SPATA31F1: variants seen among roughly 807,000 people sequenced by gnomAD.
The protein encoded by SPATA31F1 is protein SPATA31F1.
chr9:34,723,147 T>C, the SPATA31F1 span: 9 of 1,451,750 alleles, frequency 6.2e-6, no homozygotes, highest in African/African-American at 2.9e-5. Flanking sequence ...GCTGCAGCAG[T>C]TGGGGAGCCT....
the SPATA31F1 span, chr9:34,723,717 G>A: frequency 6.4e-7 from 1 of 1,551,592 alleles, no homozygotes. Context: ...GCCTGAGTTG[G>A]TTGGCTCAGG....
At chr9:34,723,877 G>A in the SPATA31F1 span, 2 of 1,551,670 alleles carry the variant, frequency 1.3e-6, no homozygotes, top group South Asian at 1.2e-5. Flanking sequence ...GTAGCTGTGG[G>A]AGCTTAAGCT....
the SPATA31F1 span, chr9:34,726,947 A>G: frequency 9.0e-5 from 139 of 1,551,246 alleles, no homozygotes; most frequent in South Asian, 1.6e-3. Context: ...ATCTGCACAC[A>G]GGATTCGCCG....
At chr9:34,723,286 G>A in the SPATA31F1 span, 7 of 1,551,772 alleles carry the variant, frequency 4.5e-6, no homozygotes, top group East Asian at 2.4e-5. Context: ...AGTGACGAGG[G>A]CAGTGGCGGG....
At chr9:34,726,454 G>T in the SPATA31F1 span, 1 of 1,551,300 alleles carries the variant, frequency 6.4e-7, no homozygotes, top group Non-Finnish European at 8.7e-7. Flanking sequence ...CTGGGTTCAG[G>T]GACAGCAAGG....
the SPATA31F1 span, chr9:34,729,273 C>T: frequency 9.0e-6 from 14 of 1,551,126 alleles, no homozygotes; most frequent in Non-Finnish European, 1.2e-5. Context: ...CAGTTGGGAT[C>T]ACAGCCCTAC....
At chr9:34,727,707 A>G in the SPATA31F1 span, among the ~76,000 whole-genome samples, 8 of 152,336 alleles carry the variant, frequency 5.3e-5, no homozygotes, top group Middle Eastern at 0.02. Flanking sequence ...TTCAAAACCC[A>G]TTCTCTTAAC....
the SPATA31F1 span, chr9:34,729,297 C>G: frequency 6.4e-7 from 1 of 1,552,126 alleles, no homozygotes; most frequent in East Asian, 2.4e-5. Flanking sequence ...GCAGCAGCTC[C>G]TTTTAGGTTC....
At chr9:34,723,294 G>C in the SPATA31F1 span, 1 of 1,551,580 alleles carries the variant, frequency 6.4e-7, no homozygotes, top group Non-Finnish European at 8.7e-7. Context: ...GGGCAGTGGC[G>C]GGGGTAGCCC....
the SPATA31F1 span, chr9:34,727,972 C>G: frequency 6.6e-7 from 1 of 1,522,492 alleles, no homozygotes; most frequent in Non-Finnish European, 8.9e-7. Context: ...GCCAAGAAAT[C>G]ATCATAGGCC....
the SPATA31F1 span, chr9:34,729,352 C>T: frequency 1.9e-6 from 3 of 1,551,830 alleles, no homozygotes; most frequent in South Asian, 1.2e-5. Flanking sequence ...CAGATAATTA[C>T]AATAACGATG....
the SPATA31F1 span, chr9:34,724,861 A>G: frequency 1.3e-6 from 2 of 1,548,942 alleles, no homozygotes; most frequent in Non-Finnish European, 1.7e-6. Context: ...GGAGCGCCAC[A>G]TAATACAGAG....
the SPATA31F1 span, chr9:34,728,599 G>A: frequency 6.5e-7 from 1 of 1,550,004 alleles, no homozygotes; most frequent in South Asian, 1.2e-5. Context: ...AGGAGAGATT[G>A]GGACTTTACC....
the SPATA31F1 span, among the ~76,000 whole-genome samples, chr9:34,728,297 A>C: frequency 6.6e-6 from 1 of 152,216 alleles, no homozygotes; most frequent in East Asian, 1.9e-4. Context: ...TTGAGGCAGG[A>C]TTGTCAGTGT....
the SPATA31F1 span, chr9:34,728,503 T>G: frequency 9.1e-7 from 1 of 1,099,770 alleles, no homozygotes; most frequent in East Asian, 2.6e-5. Context: ...AACTGGAGTC[T>G]TCAGTGGCAG....
At chr9:34,729,200 G>T in the SPATA31F1 span, 1 of 1,434,632 alleles carries the variant, frequency 7.0e-7, no homozygotes, top group Non-Finnish European at 9.3e-7. Flanking sequence ...AAAATTCTGG[G>T]GTGGGGATTA....
At chr9:34,729,183 T>C in the SPATA31F1 span, 1 of 1,344,980 alleles carries the variant, frequency 7.4e-7, no homozygotes, top group South Asian at 1.6e-5. Context: ...ACTGAAAGTA[T>C]GCTATAAAAA....
At chr9:34,723,603 T>C in the SPATA31F1 span, 1 of 1,551,780 alleles carries the variant, frequency 6.4e-7, no homozygotes, top group Non-Finnish European at 8.7e-7. Context: ...TTAATTTTAT[T>C]TCTGAAGCTA....
the SPATA31F1 span, chr9:34,729,145 C>T: frequency 2.8e-6 from 3 of 1,069,526 alleles, no homozygotes; most frequent in Non-Finnish European, 3.9e-6. Context: ...ATTATAGTCT[C>T]TGAGAAGAAA....
Sources: allele counts gnomAD v4.1 joint callset (sites outside exome capture counted in the v4.1 genomes callset), GRCh38; gene constraint gnomAD v4.1.1; transcripts MANE v1.5; gene names NCBI Gene and HGNC (gene_info 2026-07-23, HGNC 2026-07-21).